The following CNTN5 variants were observed in gnomAD, a reference collection of about 807,000 sequenced individuals.
The protein encoded by CNTN5 is contactin 5.
CNTN5 carries 77 observed loss-of-function variants against 129.1 expected under a neutral mutation model. The ratio of observed to expected loss-of-function variants is 0.60; its 90% CI spans 0.50 to 0.72. CNTN5 has a LOEUF of 0.72. Ranked by LOEUF, CNTN5 falls within the 30% of genes least tolerant of loss-of-function variation. The pLI, the probability that CNTN5 is intolerant of heterozygous loss-of-function variation, is 0.00. For synonymous variants in CNTN5, 509 were observed against 465.6 expected, an observed-to-expected ratio of 1.09 and a Z score of -1.20; for missense variants, 1,478 against 1,328.8, an observed-to-expected ratio of 1.11 and a Z score of -1.75.
intron 3 of CNTN5, among the ~76,000 whole-genome samples, chr11:99,796,712 C>T (rs936283968): frequency 5.3e-5 from 8 of 152,046 alleles, no homozygotes; most frequent in Non-Finnish European, 7.4e-5. Flanking sequence ...GGTCCACTAG[C>T]TCTCCTAGGG....
chr11:99,868,231 A>C (rs28582430), intron 6 of CNTN5, among the ~76,000 whole-genome samples: 7 of 152,010 alleles, frequency 4.6e-5, no homozygotes, highest in South Asian at 2.1e-4. Flanking sequence ...AAAAAAAAAA[A>C]CAAAAAATTG....
At chr11:99,436,882 G>A in intron 2 of CNTN5, among the ~76,000 whole-genome samples, 1 of 151,916 alleles carries the variant, frequency 6.6e-6, no homozygotes, top group South Asian at 2.1e-4. Context: ...CTTCATCCTG[G>A]TTCCCTTTCA....
Position 99,743,257 on chromosome 11 carries a change from C to T in CNTN5, c.56-76287C>T, listed in dbSNP as rs1943941883. 2.0e-5 allele frequency among the ~76,000 whole-genome samples: 3 copies of T among 152,126 alleles called. No individual in the cohort carries two copies. In the South Asian group the frequency reaches 6.2e-4, roughly 32 times the overall value. ...ACACAAATAACAAGTATAAATCATC[C>T]TCTTCATACACATTTTTTGTTTAAT... On this transcript the variant is annotated intron_variant, in intron 3 of 24. Coordinates refer to ENST00000524871, the MANE Select transcript of CNTN5 (RefSeq NM_014361.4).
chr11:99,740,834 A>G (rs1231116144), intron 3 of CNTN5, among the ~76,000 whole-genome samples: 1 of 152,174 alleles, frequency 6.6e-6, no homozygotes, highest in Non-Finnish European at 1.5e-5. Flanking sequence ...ACCCTTCTAA[A>G]AAATTCATGA....
intron 8 of CNTN5, among the ~76,000 whole-genome samples, chr11:99,988,262 G>A (rs1254811223): frequency 6.6e-6 from 1 of 152,220 alleles, no homozygotes; most frequent in South Asian, 2.1e-4. Flanking sequence ...GCAGATTAAA[G>A]TGTGAAAATA....
chr11:99,266,339 A>C (rs2447143), intron 1 of CNTN5, among the ~76,000 whole-genome samples: 8,366 of 152,182 alleles, frequency 0.055, 806 homozygotes, highest in African/African-American at 0.19. Context: ...TGGCTTACAC[A>C]GGTAATCCCA....
intron 1 of CNTN5, among the ~76,000 whole-genome samples, chr11:99,215,931 C>T (rs186805992): frequency 6.6e-6 from 1 of 152,236 alleles, no homozygotes; most frequent in East Asian, 1.9e-4. Flanking sequence ...TCATGCGGTG[C>T]ATGTGATGTT....
At chr11:99,394,535 A>G (rs1180272505) in intron 2 of CNTN5, among the ~76,000 whole-genome samples, 1 of 151,320 alleles carries the variant, frequency 6.6e-6, no homozygotes, top group African/African-American at 2.4e-5. Flanking sequence ...ATTATGTTTT[A>G]TTGCCCTTTT....
chr11:99,050,494 G>GA (rs1337442068), intron 1 of CNTN5, among the ~76,000 whole-genome samples: 1 of 151,414 alleles, frequency 6.6e-6, no homozygotes, highest in Admixed American at 6.6e-5. Flanking sequence ...ATTTCAAATA[G>GA]AAAAAAACCT....
chr11:99,621,914 A>AT (rs1372575046), intron 3 of CNTN5, among the ~76,000 whole-genome samples: 1 of 152,120 alleles, frequency 6.6e-6, no homozygotes, highest in Non-Finnish European at 1.5e-5. Context: ...GTTGACCACA[A>AT]TTTTTTTGTT....
Position 99,794,893 on chromosome 11 carries a change from T to C in CNTN5, c.56-24651T>C, listed in dbSNP as rs528781234. 4.6e-5 allele frequency among the ~76,000 whole-genome samples: 7 copies of C among 152,284 alleles called. No individual in the cohort carries two copies. The South Asian group carries it at 6.2e-4, about 14-fold the overall frequency. On this transcript the variant is annotated intron_variant, in intron 3 of 24. Transcript: ENST00000524871. ...TGAACTTTGGAGAATCTGATGACTA[T>C]GTGTCTTTGAGATGGCTGTCCTGTA... is the stretch of plus-strand genomic sequence containing the variant.
At chr11:99,984,071 C>G (rs1259915232) in intron 8 of CNTN5, among the ~76,000 whole-genome samples, 1 of 152,080 alleles carries the variant, frequency 6.6e-6, no homozygotes, top group Non-Finnish European at 1.5e-5. Context: ...AGTTTGAGAC[C>G]AGCCCGGCCA....
intron 21 of CNTN5, among the ~76,000 whole-genome samples, chr11:100,338,291 T>C (rs997144162): frequency 2.6e-5 from 4 of 152,178 alleles, no homozygotes; most frequent in African/African-American, 7.2e-5. Flanking sequence ...GAGCCTATAA[T>C]GGCTTCCTAT....
intron 15 of CNTN5, among the ~76,000 whole-genome samples, chr11:100,210,098 G>A (rs578126586): frequency 5.9e-5 from 9 of 151,496 alleles, no homozygotes; most frequent in Admixed American, 2.6e-4. Flanking sequence ...CATTTTCAGA[G>A]GCCGGGGCCA....
rs1394565551 is a variant in CNTN5, at chr11:99,702,378, T to C, written c.56-117166T>C. Among the ~76,000 whole-genome samples the C allele has an allele frequency of 2.6e-5, 4 of 151,072 alleles. No individual in the cohort carries two copies. In the East Asian group the frequency reaches 7.8e-4, roughly 29 times the overall value. ...CCTTGTTTGTAGCTCACTTTCCCAT[T>C]TTCAACCTATTGGCAATAAAATATC... On this transcript the variant is annotated intron_variant, in intron 3 of 24. Transcript: ENST00000524871.
chr11:99,074,768 A>G (rs1865490275), intron 1 of CNTN5, among the ~76,000 whole-genome samples: 1 of 152,342 alleles, frequency 6.6e-6, no homozygotes, highest in African/African-American at 2.4e-5. Context: ...TCATTTCAAC[A>G]AGCTTTTCTT....
intron 2 of CNTN5, among the ~76,000 whole-genome samples, chr11:99,334,906 T>C (rs954893774): frequency 6.6e-6 from 1 of 152,154 alleles, no homozygotes; most frequent in Non-Finnish European, 1.5e-5. Context: ...TGTTTCTGTA[T>C]TGCCTGATTT....
intron 7 of CNTN5, among the ~76,000 whole-genome samples, chr11:99,922,196 GTGCAAGGGAAC>G (rs1335973895): frequency 6.6e-6 from 1 of 152,172 alleles, no homozygotes; most frequent in Non-Finnish European, 1.5e-5. Context: ...AAGAGAGCAT[GTGCAAGGGAAC>G]TGCCCTTTCT....
chr11:99,504,427 G>C (rs975251878), intron 2 of CNTN5, among the ~76,000 whole-genome samples: 2 of 150,900 alleles, frequency 1.3e-5, no homozygotes, highest in Admixed American at 6.6e-5. Context: ...TTTAGCCCCA[G>C]CTACTTGGGA....
Sources: gnomAD v4.1 joint callset for allele counts (sites outside exome capture counted in the v4.1 genomes callset) on GRCh38, gnomAD v4.1.1 for gene constraint, MANE v1.5 for transcripts, NCBI Gene and HGNC (gene_info 2026-07-23, HGNC 2026-07-21) for gene names.